ACAN: variants seen among roughly 807,000 people sequenced by gnomAD.
ACAN encodes the protein aggrecan core protein.
A neutral mutation model predicts 169.1 loss-of-function variants in ACAN; 47 were observed. The ratio of observed to expected loss-of-function variants is 0.28; its 90% confidence interval spans 0.22 to 0.35. ACAN has a LOEUF of 0.35. Ranked by LOEUF, ACAN falls within the 10% of genes least tolerant of loss-of-function variation. ACAN has a pLI of 1.00. For synonymous variants in ACAN, 1,115 were observed against 1,112.2 expected, an observed-to-expected ratio of 1.00 and a Z score of -0.05; for missense variants, 2,716 against 2,759.9, an observed-to-expected ratio of 0.98 and a Z score of 0.36.
intron 1 of ACAN, among the ~76,000 whole-genome samples, chr15:88,811,309 G>A (rs1895814923): frequency 6.6e-6 from 1 of 152,192 alleles, no homozygotes; most frequent in African/African-American, 2.4e-5. Context: ...GCAGATGGAG[G>A]GACTTGAGCC....
chr15:88,853,215 C>T (rs1896969386), intron 11 of ACAN, among the ~76,000 whole-genome samples: 1 of 152,206 alleles, frequency 6.6e-6, no homozygotes, highest in Non-Finnish European at 1.5e-5. Context: ...AAAGTGGCTC[C>T]AGCAGCCCCG....
intron 1 of ACAN, among the ~76,000 whole-genome samples, chr15:88,816,421 T>C (rs1209566590): frequency 6.6e-6 from 1 of 152,240 alleles, no homozygotes. Flanking sequence ...AGTGCTTTTA[T>C]GCTAACTAGA....
At position 88,871,962 on chromosome 15, in the gene ACAN, G is replaced by T. The variant is rs770504348; in HGVS notation, c.7220-41G>T. 6.5e-7 allele frequency: 1 copy of T among 1,548,170 alleles called. No individual in the cohort carries two copies. Among genetic ancestry groups the T allele is most frequent in the Non-Finnish European group, 8.9e-7 (1 of 1,119,326 alleles). Reference sequence around the variant, plus strand: ...GCTCAAGTTTCTCAGACACCCTCAGGGTGTCCAGTGTGATGCCTGACACCC... The same window carrying T: ...GCTCAAGTTTCTCAGACACCCTCAGTGTGTCCAGTGTGATGCCTGACACCC... On this transcript the variant is annotated intron_variant, in intron 15 of 18. Transcript: ENST00000560601. This position sits in a 1 kb window ranked among gnomAD's most constrained non-coding sequence, Gnocchi z 7.8.
At position 88,836,254 on chromosome 15, in the gene ACAN, A is replaced by C. The variant is rs1227210877; in HGVS notation, c.48A>C (p.Ala16=). Residue 16 remains alanine, a synonymous_variant, in exon 2 of 19, where the codon GCA becomes GCC. Coordinates refer to ENST00000560601, the MANE Select transcript of ACAN (RefSeq NM_001369268.1). ...TCGTGACTCTGAGGGTCATCACTGC[A>C]GCTGTCACTGTAGAAACTTCAGGTG... ...WVFVTLRVIT[A]AVTVETSDHD... The C allele has an allele frequency of 6.2e-7, 1 of 1,613,882 alleles. No individual in the cohort carries two copies. The highest frequency in any genetic ancestry group is 8.5e-7 in the Non-Finnish European group (1 of 1,179,842).
chr15:88,852,209 A>T (rs1896948501), intron 11 of ACAN, among the ~76,000 whole-genome samples, 176 bp downstream of exon 11: 1 of 152,128 alleles, frequency 6.6e-6, no homozygotes, highest in South Asian at 2.1e-4. Context: ...GGCCTCTAGG[A>T]CCTGCCCCAG....
At chr15:88,822,506 G>T (rs1596118723) in intron 1 of ACAN, among the ~76,000 whole-genome samples, 1 of 148,432 alleles carries the variant, frequency 6.7e-6, no homozygotes, top group Admixed American at 6.7e-5. Context: ...CGCTCTTGTT[G>T]CCCAGGCTGG....
intron 6 of ACAN, among the ~76,000 whole-genome samples, chr15:88,844,032 G>A (rs1014338603): frequency 6.6e-6 from 1 of 152,190 alleles, no homozygotes; most frequent in Non-Finnish European, 1.5e-5. Flanking sequence ...AAGACGTTGG[G>A]GGTCTGACAT....
At chr15:88,840,797 AAAAG>A (rs1896632739) in intron 4 of ACAN, among the ~76,000 whole-genome samples, 1 of 152,132 alleles carries the variant, frequency 6.6e-6, no homozygotes, top group Non-Finnish European at 1.5e-5. Flanking sequence ...AAAAAAAAAA[AAAAG>A]ATGAGATAAT....
At chr15:88,847,772 G>C in intron 8 of ACAN, 139 bp from the exon 9 acceptor site, 5 of 1,147,040 alleles carry the variant, frequency 4.4e-6, no homozygotes, top group Non-Finnish European at 5.9e-6. Context: ...TGCATAAGGG[G>C]CTTTTTCCTG....
intron 1 of ACAN, among the ~76,000 whole-genome samples, chr15:88,805,655 C>G (rs1895660312): frequency 6.6e-6 from 1 of 152,192 alleles, no homozygotes; most frequent in African/African-American, 2.4e-5. Context: ...ATGACCCAAG[C>G]AAAGGGCTTA....
At chr15:88,848,843 GT>G (rs1596139537) in intron 9 of ACAN, among the ~76,000 whole-genome samples, 3 of 152,304 alleles carry the variant, frequency 2.0e-5, no homozygotes, top group East Asian at 1.9e-4. Context: ...TACATCAGAG[GT>G]TTTTTTGAGT....
Position 88,803,520 on chromosome 15 carries a change from C to T in ACAN, c.-297C>T, listed in dbSNP as rs976759046. The T allele has an allele frequency of 2.0e-5, 3 of 150,274 alleles. No individual in the cohort carries two copies. Among genetic ancestry groups the T allele is most frequent in the African/African-American group, 7.3e-5 (3 of 40,856 alleles). 9.3% of individuals were successfully genotyped at this position (150,274 alleles called of 1,614,324 possible). A position where few individuals can be genotyped will look rare whatever the true frequency, so the allele number is the denominator to read the frequency against. Reference sequence around the variant, plus strand: ...AGCGCTGCTCAAGGTCTCTCTCTCTCAGCACCCTCGCCGGCCGGCGTCTGA... The same window carrying T: ...AGCGCTGCTCAAGGTCTCTCTCTCTTAGCACCCTCGCCGGCCGGCGTCTGA... On this transcript the variant is annotated 5_prime_UTR_variant, in exon 1 of 19. Coordinates refer to ENST00000560601, the MANE Select transcript of ACAN (RefSeq NM_001369268.1).
In ACAN at chr15:88,869,502, A is replaced by C. The variant is rs1332780794; in HGVS notation, c.7060+1173A>C. 6.6e-6 allele frequency among the ~76,000 whole-genome samples: 1 copy of C among 152,216 alleles called. No homozygotes were observed. The highest frequency in any genetic ancestry group is 1.5e-5 in the Non-Finnish European group (1 of 68,026). ...TCCATCCTCACCCCAAGACCCCAAG[A>C]AATTGGTATATGGGGTCTTGGCTGG... On this transcript the variant is annotated intron_variant, in intron 14 of 18. Coordinates refer to ENST00000560601, the MANE Select transcript of ACAN (RefSeq NM_001369268.1). The surrounding 1 kb of genome is among the most constrained non-coding windows in gnomAD (Gnocchi z 4.2).
rs143367818 is a variant in ACAN at position 88,838,423 on chromosome 15, A to G, written c.71-240A>G. ...TCCTCTGGAATCCTTTTCTAGCTCC[A>G]TAGTTTCTGTCTCGAGATGCAGAGG... On this transcript the variant is annotated intron_variant, in intron 2 of 18. Transcript: ENST00000560601. This position sits in a 1 kb window ranked among gnomAD's most constrained non-coding sequence, Gnocchi z 5.1. Among the ~76,000 whole-genome samples the G allele has an allele frequency of 3.4e-3, 517 of 152,218 alleles. 12 individuals carry two copies. The highest frequency in any genetic ancestry group is 0.031 in the Admixed American group (467 of 15,296).
In ACAN at chr15:88,857,723, C is replaced by T. The variant is rs1897090245; in HGVS notation, c.5138C>T (p.Thr1713Ile). The change falls in exon 12 of 19, where the codon ACT (threonine) becomes ATT (isoleucine). Residue 1713 changes from threonine to isoleucine, a missense_variant. Thr to Ile is a moderately conservative substitution (Grantham distance 89). Around this residue, in one of 3 missense-constraint regions of ACAN, gnomAD observed 1,389 missense variants for 1,363.7 expected, o/e 1.02. Transcript: ENST00000560601. ...SGRASGLPSG[T>I]ELSGQASGSP... Reference sequence around the variant, plus strand: ...AGAGCTAGTGGACTCCCTTCAGGAACTGAACTCAGTGGCCAAGCATCTGGG... The same window carrying T: ...AGAGCTAGTGGACTCCCTTCAGGAATTGAACTCAGTGGCCAAGCATCTGGG... The T allele has an allele frequency of 6.2e-7, 1 of 1,613,904 alleles. No individual in the cohort carries two copies. Among genetic ancestry groups the T allele is most frequent in the Admixed American group, 1.7e-5 (1 of 60,014 alleles).
In ACAN at chr15:88,840,873, A is replaced by G. The variant is rs374401363; in HGVS notation, c.629+687A>G. Among the ~76,000 whole-genome samples, 330 of 152,222 alleles carry G rather than the reference A, an allele frequency of 2.2e-3. 4 individuals are homozygous for G. In the South Asian group the frequency reaches 0.027, roughly 12 times the overall value. ...TAAAGAACTGGACTCAGCCGGGCGCAGTGGCTCATGCCTGTAATCCCAGCA... is the reference window on the plus strand; with the variant it reads ...TAAAGAACTGGACTCAGCCGGGCGCGGTGGCTCATGCCTGTAATCCCAGCA... On this transcript the variant is annotated intron_variant, in intron 4 of 18. Coordinates refer to ENST00000560601, the MANE Select transcript of ACAN (RefSeq NM_001369268.1).
In ACAN at chr15:88,851,660, C is replaced by T; in HGVS notation, c.2027-134C>T. ...CGATGGCTCTTACTAAGCGAGAAGG[C>T]AAACAGCCATCTGCTGAACTAGGAG... On this transcript the variant is annotated intron_variant, in intron 10 of 18. Coordinates refer to ENST00000560601, the MANE Select transcript of ACAN (RefSeq NM_001369268.1). The surrounding 1 kb of genome is among the most constrained non-coding windows in gnomAD (Gnocchi z 4.3). 9.1e-7 allele frequency: 1 copy of T among 1,093,606 alleles called. No homozygotes were observed. Among genetic ancestry groups the T allele is most frequent in the Non-Finnish European group, 1.3e-6 (1 of 782,408 alleles). The allele number at this position is 1,093,606 out of a possible 1,614,324, so 67.7% of individuals were successfully genotyped here.
Position 88,839,866 on chromosome 15 carries a change from AAGGTGTACAGGGAGTCATGCATC to A in ACAN, c.455-143_455-121del. ...AGCAAATTCAGAAGGATCACGTGCA[AAGGTGTACAGGGAGTCATGCATC>A]AGCCCAGACCAGCCAGTTCCCTAAG... On this transcript the variant is annotated intron_variant, in intron 3 of 18. Coordinates refer to ENST00000560601, the MANE Select transcript of ACAN (RefSeq NM_001369268.1). The surrounding 1 kb of genome is among the most constrained non-coding windows in gnomAD (Gnocchi z 4.5). The A allele has an allele frequency of 1.1e-6, 1 of 874,296 alleles. No homozygotes were observed. Among genetic ancestry groups the A allele is most frequent in the Non-Finnish European group, 1.7e-6 (1 of 580,546 alleles). The allele number at this position is 874,296 out of a possible 1,614,324, so 54.2% of individuals were successfully genotyped here.
At chr15:88,817,022 G>T (rs1895958117) in intron 1 of ACAN, among the ~76,000 whole-genome samples, 1 of 152,120 alleles carries the variant, frequency 6.6e-6, no homozygotes, top group South Asian at 2.1e-4. Context: ...TCCCCAGTCG[G>T]CTGCCACCTT....
Sources: gnomAD v4.1 joint callset for allele counts (sites outside exome capture counted in the v4.1 genomes callset) on GRCh38, gnomAD v4.1.1 for gene constraint, gnomAD v4.1.1 regional missense constraint, Gnocchi (gnomAD v3.1) non-coding constraint, MANE v1.5 for transcripts, NCBI Gene and HGNC (gene_info 2026-07-23, HGNC 2026-07-21) for gene names.